LHFPL3: variants seen among roughly 807,000 people sequenced by gnomAD.
LHFPL3 encodes LHFPL tetraspan subfamily member 3, also known as LHFPL tetraspan subfamily member 3 protein.
Under a neutral mutation model 19.3 loss-of-function variants are expected in LHFPL3, and 5 were observed. The ratio of observed to expected loss-of-function variants is 0.26; its 90% CI spans 0.14 to 0.54. The LOEUF is 0.54. Ranked by LOEUF, LHFPL3 falls within the 20% of genes least tolerant of loss-of-function variation. The pLI, the probability that LHFPL3 is intolerant of heterozygous loss-of-function variation, is 0.94. For missense variants in LHFPL3, 249 were observed against 307.4 expected, an observed-to-expected ratio of 0.81 and a Z score of 1.42; for synonymous variants, 133 against 126.2, an observed-to-expected ratio of 1.05 and a Z score of -0.36.
chr7:104,603,329 G>C (rs1445349858), intron 1 of LHFPL3, among the ~76,000 whole-genome samples: 2 of 151,876 alleles, frequency 1.3e-5, no homozygotes, highest in African/African-American at 4.8e-5. Context: ...CTAAGTAGCT[G>C]GGACTACAGG....
intron 1 of LHFPL3, among the ~76,000 whole-genome samples, chr7:104,525,670 G>A (rs1794174701): frequency 6.7e-6 from 1 of 149,256 alleles, no homozygotes; most frequent in Non-Finnish European, 1.5e-5. Flanking sequence ...GCAGTGGTGT[G>A]ATCTTGGCTC....
intron 1 of LHFPL3, among the ~76,000 whole-genome samples, chr7:104,361,821 T>A (rs941744807): frequency 6.6e-6 from 1 of 152,194 alleles, no homozygotes; most frequent in Non-Finnish European, 1.5e-5. Context: ...CCACTGTGAT[T>A]TCAAGATATA....
intron 2 of LHFPL3, among the ~76,000 whole-genome samples, chr7:104,753,489 A>G (rs1794216601): frequency 6.6e-6 from 1 of 152,256 alleles, no homozygotes; most frequent in South Asian, 2.1e-4. Flanking sequence ...TCAATATTCA[A>G]TATTTGAGAA....
At chr7:104,803,016 T>A (rs1790285818) in intron 2 of LHFPL3, 1 of 152,322 alleles carries the variant, frequency 6.6e-6, no homozygotes, top group South Asian at 2.1e-4. Flanking sequence ...AGCCTCTTCC[T>A]AATCTACTCC....
At position 104,353,253 on chromosome 7, in the gene LHFPL3, A is replaced by G. The variant is rs549236105; in HGVS notation, c.445+24029A>G. On this transcript the variant is annotated intron_variant, in intron 1 of 2. Coordinates refer to ENST00000424859, the MANE Select transcript of LHFPL3 (RefSeq NM_199000.3). ...AGTTTTTAATGTTGGGAAAATTCACATATTAAAACTACCTGTGCTTATAGG... is the reference window on the plus strand; with the variant it reads ...AGTTTTTAATGTTGGGAAAATTCACGTATTAAAACTACCTGTGCTTATAGG... Among the ~76,000 whole-genome samples the G allele has an allele frequency of 9.8e-5, 15 of 152,324 alleles. No homozygotes were observed. In the East Asian group the frequency reaches 2.5e-3, roughly 25 times the overall value.
At chr7:104,466,464 G>C (rs1792787331) in intron 1 of LHFPL3, among the ~76,000 whole-genome samples, 1 of 152,206 alleles carries the variant, frequency 6.6e-6, no homozygotes, top group South Asian at 2.1e-4. Flanking sequence ...ACTTCAGACA[G>C]CTACGTATAT....
chr7:104,709,075 C>T (rs1295031115), intron 1 of LHFPL3, among the ~76,000 whole-genome samples: 1 of 152,048 alleles, frequency 6.6e-6, no homozygotes, highest in Non-Finnish European at 1.5e-5. Context: ...GAATATATTG[C>T]TCTAAAGTTC....
intron 1 of LHFPL3, among the ~76,000 whole-genome samples, chr7:104,551,070 C>T (rs760454475): frequency 3.3e-5 from 5 of 151,838 alleles, no homozygotes; most frequent in Non-Finnish European, 7.4e-5. Flanking sequence ...CAGAACATTT[C>T]TTAATAGACT....
intron 1 of LHFPL3, among the ~76,000 whole-genome samples, chr7:104,726,054 G>T (rs1190432115): frequency 8.6e-5 from 2 of 23,208 alleles, no homozygotes; most frequent in Non-Finnish European, 1.7e-4. Context: ...TCCATCTCAG[G>T]CAAAAAAAAA....
intron 1 of LHFPL3, among the ~76,000 whole-genome samples, chr7:104,729,528 G>A (rs76724648): frequency 3.0e-4 from 45 of 151,910 alleles, no homozygotes; most frequent in Middle Eastern, 3.4e-3. Flanking sequence ...TCCTTCTTCC[G>A]CAGTCCCTCC....
At chr7:104,496,378 C>A (rs527746593) in intron 1 of LHFPL3, among the ~76,000 whole-genome samples, 54 of 152,280 alleles carry the variant, frequency 3.5e-4, no homozygotes, top group East Asian at 9.6e-4. Context: ...ATTGTTGGAC[C>A]TTTGGGTTGG....
intron 2 of LHFPL3, among the ~76,000 whole-genome samples, chr7:104,767,474 G>A (rs4279516): frequency 0.014 from 2,098 of 152,204 alleles, 30 homozygotes; most frequent in East Asian, 0.054. Context: ...CTCTCTGACT[G>A]GTATTTATAT....
chr7:104,607,253 C>T (rs1423611185), intron 1 of LHFPL3, among the ~76,000 whole-genome samples: 1 of 152,172 alleles, frequency 6.6e-6, no homozygotes, highest in African/African-American at 2.4e-5. Context: ...CAGGAATGAC[C>T]AAGGACAGTG....
chr7:104,383,208 C>A (rs1315271578), intron 1 of LHFPL3, among the ~76,000 whole-genome samples: 1 of 152,154 alleles, frequency 6.6e-6, no homozygotes, highest in Non-Finnish European at 1.5e-5. Context: ...ATGAATTATG[C>A]ATGTTTTAGT....
intron 2 of LHFPL3, among the ~76,000 whole-genome samples, chr7:104,850,776 C>G (rs1791402134): frequency 6.6e-6 from 1 of 152,136 alleles, no homozygotes; most frequent in African/African-American, 2.4e-5. Flanking sequence ...CTGGGTGATT[C>G]TGAGATACCC....
At position 104,365,802 on chromosome 7, in the gene LHFPL3, A is replaced by G. The variant is rs545980102; in HGVS notation, c.445+36578A>G. On this transcript the variant is annotated intron_variant, in intron 1 of 2. Coordinates refer to ENST00000424859, the MANE Select transcript of LHFPL3 (RefSeq NM_199000.3). ...GACTCCGTCTCAAAAAAAAAAAAAAAAAAGAAAAGCCTCTTTCCAGCTAGG... is the reference window on the plus strand; with the variant it reads ...GACTCCGTCTCAAAAAAAAAAAAAAGAAAGAAAAGCCTCTTTCCAGCTAGG... 1.3e-3 allele frequency among the ~76,000 whole-genome samples: 190 copies of G among 146,196 alleles called. 14 individuals are homozygous for G. Among genetic ancestry groups the G allele is most frequent in the Middle Eastern group, 0.011 (3 of 276 alleles).
At chr7:104,624,972 T>C (rs1015919681) in intron 1 of LHFPL3, among the ~76,000 whole-genome samples, 7 of 152,240 alleles carry the variant, frequency 4.6e-5, no homozygotes, top group African/African-American at 1.4e-4. Flanking sequence ...TAATAAACAT[T>C]GTGTTTTTTC....
At chr7:104,812,070 C>T (rs1326586371) in intron 2 of LHFPL3, among the ~76,000 whole-genome samples, 2 of 152,166 alleles carry the variant, frequency 1.3e-5, no homozygotes, top group African/African-American at 4.8e-5. Flanking sequence ...GAACTCAGGG[C>T]TTTTCTTGGT....
chr7:104,387,838 A>G (rs954497559), intron 1 of LHFPL3, among the ~76,000 whole-genome samples: 5 of 152,180 alleles, frequency 3.3e-5, no homozygotes, highest in Non-Finnish European at 5.9e-5. Context: ...CAGGTTTGCC[A>G]TATAGGTAAA....
Sources: allele counts gnomAD v4.1 joint callset (sites outside exome capture counted in the v4.1 genomes callset), GRCh38; gene constraint gnomAD v4.1.1; transcripts MANE v1.5; gene names NCBI Gene and HGNC (gene_info 2026-07-23, HGNC 2026-07-21).